GALNTL6: variants seen among roughly 807,000 people sequenced by gnomAD.
The protein encoded by GALNTL6 is polypeptide N-acetylgalactosaminyltransferase-like 6.
Under a neutral mutation model 73.7 loss-of-function variants are expected in GALNTL6, and 46 were observed. That is an observed-to-expected ratio of 0.62 (90% CI 0.49 to 0.80). The LOEUF (loss-of-function observed/expected upper bound fraction) is 0.80. Ranked by LOEUF, GALNTL6 falls within the 30% of genes least tolerant of loss-of-function variation. The probability of loss-of-function intolerance (pLI) is 0.00; values close to 1 mark genes in which losing one functional copy is unlikely to be tolerated. For missense variants in GALNTL6, 604 were observed against 755.0 expected, an observed-to-expected ratio of 0.80 and a Z score of 2.34; for synonymous variants, 259 against 263.7, an observed-to-expected ratio of 0.98 and a Z score of 0.17.
At chr4:172,095,205 A>AC (rs1732316907) in intron 2 of GALNTL6, among the ~76,000 whole-genome samples, 1 of 151,476 alleles carries the variant, frequency 6.6e-6, no homozygotes, top group East Asian at 1.9e-4. Flanking sequence ...GCAAATAAAA[A>AC]AAAGAGAGAT....
At chr4:172,156,529 C>CATATATATATAATATATATATATATATAT (rs1734269720) in intron 2 of GALNTL6, among the ~76,000 whole-genome samples, 2 of 71,612 alleles carry the variant, frequency 2.8e-5, no homozygotes. Flanking sequence ...TTTAAATATA[C>CATATATATATAATATATATATATATATAT]ATATATATAT....
intron 2 of GALNTL6, among the ~76,000 whole-genome samples, chr4:172,173,085 G>T (rs1734884368): frequency 6.6e-6 from 1 of 152,074 alleles, no homozygotes; most frequent in African/African-American, 2.4e-5. Flanking sequence ...GCCATTTGAT[G>T]TCATTTGTTC....
At chr4:172,270,205 ATG>A (rs1196353126) in intron 3 of GALNTL6, among the ~76,000 whole-genome samples, 1 of 150,942 alleles carries the variant, frequency 6.6e-6, no homozygotes, top group African/African-American at 2.4e-5. Flanking sequence ...GTGTGTGTAT[ATG>A]TGTGTGTGTT....
chr4:172,000,690 C>A (rs1740648604), intron 2 of GALNTL6, among the ~76,000 whole-genome samples: 1 of 152,056 alleles, frequency 6.6e-6, no homozygotes, highest in Non-Finnish European at 1.5e-5. Context: ...AAAAATATAT[C>A]CACAGACACC....
At chr4:172,072,867 A>G (rs1731585000) in intron 2 of GALNTL6, among the ~76,000 whole-genome samples, 1 of 152,190 alleles carries the variant, frequency 6.6e-6, no homozygotes, top group Non-Finnish European at 1.5e-5. Flanking sequence ...TATACAGCAT[A>G]GAAGATTTCA....
chr4:172,565,629 G>A (rs1736525352), intron 5 of GALNTL6, among the ~76,000 whole-genome samples: 1 of 152,156 alleles, frequency 6.6e-6, no homozygotes, highest in African/African-American at 2.4e-5. Flanking sequence ...ATTGAGTTTA[G>A]AAGTGCTTCC....
chr4:172,629,755 T>A (rs980922197), intron 5 of GALNTL6, among the ~76,000 whole-genome samples: 1 of 152,164 alleles, frequency 6.6e-6, no homozygotes, highest in African/African-American at 2.4e-5. Context: ...GGAATTCCAA[T>A]GATGATGTAG....
chr4:172,361,043 A>G (rs962331440), intron 5 of GALNTL6, among the ~76,000 whole-genome samples: 1 of 152,166 alleles, frequency 6.6e-6, no homozygotes, highest in African/African-American at 2.4e-5. Flanking sequence ...TTAATATGTT[A>G]ACACCTGATG....
chr4:172,001,313 C>T (rs552698366), intron 2 of GALNTL6, among the ~76,000 whole-genome samples: 7 of 152,268 alleles, frequency 4.6e-5, no homozygotes, highest in Admixed American at 1.3e-4. Context: ...GTACTACTAG[C>T]AGTACTGAAA....
chr4:173,003,860 G>C (rs995220897), intron 10 of GALNTL6, among the ~76,000 whole-genome samples: 1 of 152,104 alleles, frequency 6.6e-6, no homozygotes, highest in African/African-American at 2.4e-5. Flanking sequence ...CACCCAGAAC[G>C]GTCATTTCCT....
intron 7 of GALNTL6, among the ~76,000 whole-genome samples, chr4:172,882,203 T>C (rs188870772): frequency 4.6e-5 from 7 of 152,306 alleles, no homozygotes; most frequent in Admixed American, 6.5e-5. Context: ...CTAAAAAGAA[T>C]AGTATAAAAT....
At chr4:172,306,008 C>T (rs541841274) in intron 3 of GALNTL6, among the ~76,000 whole-genome samples, 26 of 152,208 alleles carry the variant, frequency 1.7e-4, no homozygotes, top group African/African-American at 5.8e-4. Flanking sequence ...TCTAAAGGCT[C>T]AGCACTAAAA....
intron 2 of GALNTL6, among the ~76,000 whole-genome samples, chr4:172,042,045 G>C (rs191171303): frequency 1.3e-5 from 2 of 151,954 alleles, no homozygotes; most frequent in Admixed American, 6.6e-5. Context: ...TAGAAAGCAA[G>C]GGGTATTCAG....
intron 8 of GALNTL6, among the ~76,000 whole-genome samples, chr4:172,916,231 T>C (rs1283198322): frequency 6.6e-6 from 1 of 152,184 alleles, no homozygotes; most frequent in Non-Finnish European, 1.5e-5. Context: ...AAACTAGGTA[T>C]TGATGGGACG....
chr4:172,978,231 G>A (rs948814885), intron 10 of GALNTL6, among the ~76,000 whole-genome samples: 2 of 152,168 alleles, frequency 1.3e-5, no homozygotes, highest in Admixed American at 6.5e-5. Flanking sequence ...TTGCTTGAAT[G>A]ACTTTGACTA....
chr4:172,741,552 TAGA>T (rs1387128047), intron 5 of GALNTL6, among the ~76,000 whole-genome samples: 2 of 152,090 alleles, frequency 1.3e-5, no homozygotes, highest in Admixed American at 1.3e-4. Context: ...TAGCATTACA[TAGA>T]AGAATATATT....
chr4:171,993,557 C>A (rs1051151281), intron 2 of GALNTL6, among the ~76,000 whole-genome samples: 6 of 151,950 alleles, frequency 3.9e-5, no homozygotes, highest in African/African-American at 1.5e-4. Flanking sequence ...CTGTTCTTGC[C>A]AAATGAATAT....
chr4:172,221,186 T>C (rs1736663827), intron 2 of GALNTL6, among the ~76,000 whole-genome samples: 2 of 151,858 alleles, frequency 1.3e-5, no homozygotes, highest in African/African-American at 4.8e-5. Context: ...TAGCTTTTTC[T>C]ACCTAATCCC....
chr4:172,371,979 C>G (rs1335189710), intron 5 of GALNTL6, among the ~76,000 whole-genome samples: 1 of 152,186 alleles, frequency 6.6e-6, no homozygotes, highest in Non-Finnish European at 1.5e-5. Context: ...GATAAGCATA[C>G]TTGCTATCTG....
Sources: allele counts gnomAD v4.1 joint callset (sites outside exome capture counted in the v4.1 genomes callset), GRCh38; gene constraint gnomAD v4.1.1; transcripts MANE v1.5; gene names NCBI Gene and HGNC (gene_info 2026-07-23, HGNC 2026-07-21).